The following RBBP7 variants were observed in gnomAD, a reference collection of about 807,000 sequenced individuals.
RBBP7 encodes histone-binding protein RBBP7.
A neutral mutation model predicts 35.2 loss-of-function variants in RBBP7; 5 were observed. The observed-to-expected ratio is 0.14, with a 90% CI of 0.07 to 0.30. RBBP7 has a LOEUF of 0.30. Among genes scored for constraint, RBBP7 ranks in the 10% least tolerant of loss-of-function variants. The pLI is 1.00. For missense variants in RBBP7, 155 were observed against 327.5 expected, an observed-to-expected ratio of 0.47 and a Z score of 4.07; for synonymous variants, 140 against 118.7, an observed-to-expected ratio of 1.18 and a Z score of -1.17.
At chrX:16,848,706 C>A (rs142772805) in intron 10 of RBBP7, 1 of 111,209 alleles carries the variant, frequency 9.0e-6, no homozygotes, top group Non-Finnish European at 1.9e-5. Flanking sequence ...AGAAAAATGA[C>A]GAAGTGAGCA....
chrX:16,852,453 T>C, intron 8 of RBBP7, 98 bp downstream of exon 8: 1 of 922,071 alleles, frequency 1.1e-6, no homozygotes, highest in East Asian at 3.1e-5. Flanking sequence ...GTACAAGACA[T>C]TTTTTTCAAT....
At chrX:16,869,813 G>T in intron 1 of RBBP7, 2 of 912,819 alleles carry the variant, frequency 2.2e-6, no homozygotes, top group Non-Finnish European at 2.7e-6. Context: ...GAAGGGAAGA[G>T]GGGGGCCCAG....
In RBBP7 at chrX:16,857,674, T is replaced by G; in HGVS notation, c.517A>C (p.Arg173=). 1 of 1,198,509 alleles carries G rather than the reference T, an allele frequency of 8.3e-7. No homozygotes were observed. The highest frequency in any genetic ancestry group is 2.3e-4 in the Middle Eastern group (1 of 4,318). The change falls in exon 5 of 12, where the codon AGA becomes CGA. Residue 173 remains arginine, a synonymous_variant. Coordinates refer to ENST00000380087, the MANE Select transcript of RBBP7 (RefSeq NM_002893.4). ...CCATAGCCTTCCTTCTGGTGACCTC[T>G]TAATCTGAGATCAGGATTACATTCT... ...SGECNPDLRL[R]GHQKEGYGLS...
At chrX:16,862,879 T>C in intron 3 of RBBP7, 76 bp downstream of exon 3, 2 of 1,064,151 alleles carry the variant, frequency 1.9e-6, no homozygotes, top group Non-Finnish European at 2.6e-6. Context: ...AAGCTAATAG[T>C]ATAGTTTTAA....
rs780887542 is a variant in RBBP7, at chrX:16,852,474, C to T, written c.963+77G>A. 13 of 1,061,036 alleles carry T rather than the reference C, an allele frequency of 1.2e-5. No individual in the cohort carries two copies. In the African/African-American group the frequency reaches 1.3e-4, roughly 11 times the overall value. 87.4% of individuals were successfully genotyped at this position (1,061,036 alleles called of 1,213,427 possible). A position where few individuals can be genotyped will look rare whatever the true frequency, so the allele number is the denominator to read the frequency against. On this transcript the variant is annotated intron_variant, in intron 8 of 11. Transcript: ENST00000380087. ...GACATTTTTTTCAATAGTGGACCCACGAGTCTGGTATAGCTTAACTGATGA... is the reference window on the plus strand; with the variant it reads ...GACATTTTTTTCAATAGTGGACCCATGAGTCTGGTATAGCTTAACTGATGA...
intron 9 of RBBP7, among the ~76,000 whole-genome samples, chrX:16,851,128 AAAAAAAAAAG>A (rs1930204249): frequency 1.8e-5 from 2 of 108,617 alleles, no homozygotes; most frequent in Non-Finnish European, 3.8e-5. Flanking sequence ...AGTCTCCAAA[AAAAAAAAAAG>A]AAAAGAAAAG....
At position 16,870,344 on chromosome X, in the gene RBBP7, C is replaced by A. The variant is rs1930758931; in HGVS notation, c.-291G>T. ...CCGCCCAGGCAGCTGAGCGCAGGCG[C>A]ATCCGCCCTGGGAAAAGTGAGAGGA... On this transcript the variant is annotated 5_prime_UTR_variant, in exon 1 of 12. It removes an upstream start codon present in the reference 5' UTR. Transcript: ENST00000380087. The A allele has an allele frequency of 5.9e-6, 1 of 169,764 alleles. No individual in the cohort carries two copies. Among genetic ancestry groups the A allele is most frequent in the Non-Finnish European group, 1.1e-5 (1 of 94,275 alleles). The allele number at this position is 169,764 out of a possible 1,213,427, so 14.0% of individuals were successfully genotyped here. A position where few individuals can be genotyped will look rare whatever the true frequency, so the allele number is the denominator to read the frequency against.
At position 16,849,202 on chromosome X, in the gene RBBP7, A is replaced by G. The variant is rs369642949; in HGVS notation, c.1098+42T>C. On this transcript the variant is annotated intron_variant, in intron 10 of 11. Coordinates refer to ENST00000380087, the MANE Select transcript of RBBP7 (RefSeq NM_002893.4). The stretch of plus-strand genomic sequence containing the variant: ...GAAATAAAGAGATCAATGACAATCC[A>G]ATCTGCATATGACATTTCATCTTCT... 7.0e-6 allele frequency: 8 copies of G among 1,143,392 alleles called. No individual in the cohort carries two copies. In the African/African-American group the frequency reaches 1.4e-4, roughly 21 times the overall value. 94.2% of individuals were successfully genotyped at this position (1,143,392 alleles called of 1,213,427 possible). A position where few individuals can be genotyped will look rare whatever the true frequency, so the allele number is the denominator to read the frequency against.
chrX:16,864,842 T>G (rs1930570524), intron 2 of RBBP7, among the ~76,000 whole-genome samples: 1 of 110,180 alleles, frequency 9.1e-6, no homozygotes, highest in African/African-American at 3.3e-5. Context: ...CTTGCCCACT[T>G]ATTTTTAACC....
intron 2 of RBBP7, among the ~76,000 whole-genome samples, chrX:16,866,554 A>AAAAAAAGAAAG (rs1569063906): frequency 2.8e-4 from 16 of 57,663 alleles, no homozygotes; most frequent in African/African-American, 1.1e-3. Flanking sequence ...AAAAAAAAAA[A>AAAAAAAGAAAG]AAAGAAAGAA....
rs748028204 is a variant in RBBP7, at chrX:16,869,034, C to T, written c.161+42G>A. The stretch of plus-strand genomic sequence containing the variant: ...GCCAAAACTAGGAAATTCAGAACGA[C>T]AGTTAAATTTAAACAAAATAAAAGT... On this transcript the variant is annotated intron_variant, in intron 2 of 11. Transcript: ENST00000380087. 1.9e-5 allele frequency: 22 copies of T among 1,173,161 alleles called. No homozygotes were observed. The South Asian group carries it at 3.5e-4, about 18-fold the overall frequency.
At position 16,845,033 on chromosome X, in the gene RBBP7, G is replaced by C. The variant is rs1223767450; in HGVS notation, c.*2C>G. The stretch of plus-strand genomic sequence containing the variant: ...AACAGAAACATTTCTCGTACTTTGG[G>C]TTTAAGATCCTTGTCCCTCCAGTTC... On this transcript the variant is annotated 3_prime_UTR_variant, in exon 12 of 12. Coordinates refer to ENST00000380087, the MANE Select transcript of RBBP7 (RefSeq NM_002893.4). 1 of 1,202,257 alleles carries C rather than the reference G, an allele frequency of 8.3e-7. No individual in the cohort carries two copies. The highest frequency in any genetic ancestry group is 2.3e-4 in the Middle Eastern group (1 of 4,330).
At chrX:16,868,009 C>A (rs955207634) in intron 2 of RBBP7, among the ~76,000 whole-genome samples, 1 of 112,215 alleles carries the variant, frequency 8.9e-6, no homozygotes, top group African/African-American at 3.2e-5. Context: ...ATTTTTATAA[C>A]TTGTTGCAAA....
chrX:16,859,970 T>C (rs1467131144), intron 3 of RBBP7, among the ~76,000 whole-genome samples: 3 of 110,985 alleles, frequency 2.7e-5, no homozygotes, highest in Non-Finnish European at 3.8e-5. Flanking sequence ...GAAAAAACCG[T>C]ATCTCAAATC....
At chrX:16,868,387 C>T (rs963705049) in intron 2 of RBBP7, among the ~76,000 whole-genome samples, 1 of 112,322 alleles carries the variant, frequency 8.9e-6, no homozygotes, top group Non-Finnish European at 1.9e-5. Context: ...GTTTCCTTAT[C>T]AGTAAAACAA....
At chrX:16,850,778 A>C (rs1930192554) in intron 9 of RBBP7, among the ~76,000 whole-genome samples, 1 of 111,741 alleles carries the variant, frequency 8.9e-6, no homozygotes, top group African/African-American at 3.3e-5. Context: ...AAAATCCAAA[A>C]CTTTAAGCAC....
intron 9 of RBBP7, among the ~76,000 whole-genome samples, chrX:16,851,388 A>G (rs1390920282): frequency 8.9e-6 from 1 of 112,164 alleles, no homozygotes; most frequent in East Asian, 2.8e-4. Flanking sequence ...ACTTAAGATG[A>G]CATCTTACGG....
chrX:16,869,796 G>C (rs1930730449), intron 1 of RBBP7: 1 of 928,129 alleles, frequency 1.1e-6, no homozygotes, highest in Non-Finnish European at 1.3e-6. Context: ...GCAGCCGCTG[G>C]AGGAGGGAAG....
chrX:16,863,475 C>A (rs1394960254), intron 2 of RBBP7, among the ~76,000 whole-genome samples: 4 of 111,823 alleles, frequency 3.6e-5, no homozygotes, highest in Non-Finnish European at 5.6e-5. Context: ...ATCACAACTT[C>A]CCACCTAAAG....
Sources: allele counts gnomAD v4.1 joint callset (sites outside exome capture counted in the v4.1 genomes callset), GRCh38; gene constraint gnomAD v4.1.1; transcripts MANE v1.5; gene names NCBI Gene and HGNC (gene_info 2026-07-23, HGNC 2026-07-21).